FLT1: variants seen among roughly 807,000 people sequenced by gnomAD.
FLT1 encodes the protein fms related receptor tyrosine kinase 1.
In FLT1, 49 loss-of-function variants were observed where a neutral mutation model predicts 156.3. The ratio of observed to expected loss-of-function variants is 0.31; its 90% confidence interval spans 0.25 to 0.40. The LOEUF (loss-of-function observed/expected upper bound fraction) is 0.40. Among genes scored for constraint, FLT1 ranks in the 10% least tolerant of loss-of-function variants. The pLI is 1.00. For missense variants in FLT1, 1,322 were observed against 1,637.2 expected, an observed-to-expected ratio of 0.81 and a Z score of 3.32; for synonymous variants, 594 against 583.8, an observed-to-expected ratio of 1.02 and a Z score of -0.25.
intron 25 of FLT1, among the ~76,000 whole-genome samples, chr13:28,314,293 A>C (rs1356718351): frequency 6.6e-6 from 1 of 152,180 alleles, no homozygotes; most frequent in Admixed American, 6.5e-5. Flanking sequence ...AACCATCTAC[A>C]ACCACTTGCT....
intron 1 of FLT1, among the ~76,000 whole-genome samples, chr13:28,473,330 T>C (rs1201865826): frequency 6.6e-6 from 1 of 151,966 alleles, no homozygotes; most frequent in Admixed American, 6.6e-5. Context: ...TCCACAGCAG[T>C]ATTACCTATA....
chr13:28,423,285 C>T (rs1566019369), intron 10 of FLT1, among the ~76,000 whole-genome samples: 1 of 152,126 alleles, frequency 6.6e-6, no homozygotes, highest in Admixed American at 6.5e-5. Flanking sequence ...TTACTTCATT[C>T]CCTCATGACA....
At chr13:28,331,087 A>G (rs780908438) in intron 18 of FLT1, among the ~76,000 whole-genome samples, 2 of 152,204 alleles carry the variant, frequency 1.3e-5, no homozygotes, top group Admixed American at 6.5e-5. Flanking sequence ...TCTTTTTGCT[A>G]TTACAAATAA....
intron 10 of FLT1, among the ~76,000 whole-genome samples, chr13:28,409,468 G>A (rs1044598232): frequency 1.3e-5 from 2 of 151,828 alleles, no homozygotes; most frequent in African/African-American, 4.8e-5. Flanking sequence ...CCGAGTAGCT[G>A]GGACTACATG....
At chr13:28,397,749 CGTGTGTGTGTGTGTGT>C (rs35710786) in intron 11 of FLT1, among the ~76,000 whole-genome samples, 6 of 129,872 alleles carry the variant, frequency 4.6e-5, no homozygotes, top group South Asian at 2.7e-4. Flanking sequence ...TGAAGGAGAC[CGTGTGTGTGTGTGTGT>C]GTGTGTGTGT....
chr13:28,365,355 C>G (rs1001862323), intron 14 of FLT1, among the ~76,000 whole-genome samples: 2 of 151,448 alleles, frequency 1.3e-5, no homozygotes, highest in Non-Finnish European at 2.9e-5. Flanking sequence ...ACATGTAGAA[C>G]TCCCTTTTTT....
At chr13:28,462,689 AC>A (rs1879648619) in intron 3 of FLT1, among the ~76,000 whole-genome samples, 1 of 152,146 alleles carries the variant, frequency 6.6e-6, no homozygotes, top group Non-Finnish European at 1.5e-5. Flanking sequence ...TGGCTGTGGG[AC>A]CAAGTGGCCC....
chr13:28,431,082 A>G (rs985462574), intron 7 of FLT1, 54 bp downstream of exon 7: 1 of 1,436,698 alleles, frequency 7.0e-7, no homozygotes, highest in Non-Finnish European at 9.8e-7. Flanking sequence ...GAACACAGAC[A>G]TCTACAATGA....
chr13:28,463,343 T>C (rs1216672545), intron 3 of FLT1, among the ~76,000 whole-genome samples: 3 of 152,216 alleles, frequency 2.0e-5, no homozygotes, highest in African/African-American at 4.8e-5. Flanking sequence ...ACAGCGCCTG[T>C]TACACAGCAG....
chr13:28,348,819 G>A (rs1872647760), intron 15 of FLT1, among the ~76,000 whole-genome samples: 1 of 152,078 alleles, frequency 6.6e-6, no homozygotes, highest in African/African-American at 2.4e-5. Flanking sequence ...TGAGGCAGGG[G>A]AATTGCTTGA....
intron 4 of FLT1, 116 bp from the exon 5 acceptor site, chr13:28,434,336 T>G: frequency 9.8e-7 from 1 of 1,021,982 alleles, no homozygotes; most frequent in Non-Finnish European, 1.5e-6. Context: ...AGTAAAACTT[T>G]GTAGTTTGCT....
intron 10 of FLT1, among the ~76,000 whole-genome samples, chr13:28,416,646 C>A (rs1271673768): frequency 1.3e-5 from 2 of 152,138 alleles, no homozygotes; most frequent in Non-Finnish European, 2.9e-5. Context: ...GCACTTAACA[C>A]CACATAGGTA....
chr13:28,429,183 T>G (rs1304749055), intron 8 of FLT1, among the ~76,000 whole-genome samples: 1 of 152,170 alleles, frequency 6.6e-6, no homozygotes, highest in Non-Finnish European at 1.5e-5. Flanking sequence ...CATGAAGACA[T>G]AGCACAAAGT....
intron 1 of FLT1, among the ~76,000 whole-genome samples, chr13:28,482,875 A>G (rs527823852): frequency 1.3e-5 from 2 of 152,292 alleles, no homozygotes; most frequent in Admixed American, 1.3e-4. Context: ...GAATACTTTG[A>G]TAGGGTATTT....
chr13:28,313,418 T>C lies in FLT1; in HGVS notation c.3387-1320A>G, dbSNP rs116457553. Among the ~76,000 whole-genome samples, 1,333 of 152,336 alleles carry C rather than the reference T, an allele frequency of 8.8e-3. 21 individuals carry two copies. The highest frequency in any genetic ancestry group is 0.03 in the African/African-American group (1,265 of 41,570). On this transcript the variant is annotated intron_variant, in intron 25 of 29. Coordinates refer to ENST00000282397, the MANE Select transcript of FLT1 (RefSeq NM_002019.4). ...ACACACTGCATTAAGAATTGATTCT[T>C]CTTGAACCTTGTGCTCTTCAAGGGA... is the stretch of plus-strand genomic sequence containing the variant.
intron 3 of FLT1, among the ~76,000 whole-genome samples, chr13:28,453,106 CCTTTCCTTTCCTTTCCTTTCCTTTCCT>C (rs1879068061): frequency 1.3e-5 from 1 of 74,542 alleles, no homozygotes; most frequent in Admixed American, 1.8e-4. Flanking sequence ...CCTTTCCTTT[CCTTTCCTTTCCTTTCCTTTCCTTTCCT>C]TTCCTTTCTG....
intron 16 of FLT1, among the ~76,000 whole-genome samples, chr13:28,339,704 T>C (rs1412359963): frequency 6.6e-6 from 1 of 152,192 alleles, no homozygotes; most frequent in African/African-American, 2.4e-5. Flanking sequence ...GGAATATATA[T>C]TACATATGGG....
chr13:28,316,217 T>C (rs1413724962), intron 25 of FLT1, among the ~76,000 whole-genome samples: 1 of 152,216 alleles, frequency 6.6e-6, no homozygotes, highest in African/African-American at 2.4e-5. Flanking sequence ...CCTCGTCCAG[T>C]TCCCCATCCT....
chr13:28,309,848 G>T (rs1226431858), intron 27 of FLT1, among the ~76,000 whole-genome samples: 1 of 150,846 alleles, frequency 6.6e-6, no homozygotes, highest in Admixed American at 6.6e-5. Flanking sequence ...TTTCTTTGAG[G>T]CCTGTCACAG....
Sources: gnomAD v4.1 joint callset for allele counts (sites outside exome capture counted in the v4.1 genomes callset) on GRCh38, gnomAD v4.1.1 for gene constraint, MANE v1.5 for transcripts, NCBI Gene and HGNC (gene_info 2026-07-23, HGNC 2026-07-21) for gene names.